The following CTNND2 variants were observed in gnomAD, a reference collection of about 807,000 sequenced individuals.
CTNND2 encodes the protein catenin delta 2, also known as catenin delta-2.
In CTNND2, 22 loss-of-function variants were observed where a neutral mutation model predicts 144.4. The ratio of observed to expected loss-of-function variants is 0.15; its 90% CI spans 0.11 to 0.22. The LOEUF (loss-of-function observed/expected upper bound fraction) is 0.22, where lower values mean the gene tolerates loss of function less well. Ranked by LOEUF, CTNND2 falls within the 10% of genes least tolerant of loss-of-function variation. The pLI, the probability that CTNND2 is intolerant of heterozygous loss-of-function variation, is 1.00. For synonymous variants in CTNND2, 751 were observed against 695.6 expected (o/e 1.08, Z -1.25); for missense variants, 1,353 against 1,618.8 (o/e 0.84, Z 2.82).
intron 11 of CTNND2, among the ~76,000 whole-genome samples, chr5:11,172,274 T>C (rs1413714980): frequency 6.6e-6 from 1 of 152,120 alleles, no homozygotes; most frequent in Non-Finnish European, 1.5e-5. Flanking sequence ...TTTAACTGAC[T>C]TCACCAACAT....
intron 16 of CTNND2, 23 bp from the exon 17 acceptor site, chr5:11,023,002 G>A: frequency 6.2e-7 from 1 of 1,608,686 alleles, no homozygotes; most frequent in South Asian, 1.1e-5. Flanking sequence ...ATAAAGAGAA[G>A]AGTTGAAAGG....
intron 9 of CTNND2, among the ~76,000 whole-genome samples, chr5:11,262,876 C>A (rs1745056169): frequency 1.3e-5 from 2 of 151,812 alleles, no homozygotes. Context: ...TTTCCCTGAT[C>A]CCCCTAACTC....
At chr5:11,877,389 T>A (rs906539532) in intron 1 of CTNND2, among the ~76,000 whole-genome samples, 2 of 152,162 alleles carry the variant, frequency 1.3e-5, no homozygotes, top group African/African-American at 2.4e-5. Context: ...CTGTTTTAAT[T>A]GGCATCCAGT....
rs61750667 is a variant in CTNND2, at chr5:11,365,043, A to G, written c.1178-153T>C. ...TGAAATGGCAGCAATATGTCAACCT[A>G]ATCAGCCTGTCGGCATCACCCAGCT... On this transcript the variant is annotated intron_variant, in intron 7 of 21. Transcript: ENST00000304623. Among the ~76,000 whole-genome samples, 1,953 of 152,368 alleles carry G rather than the reference A, an allele frequency of 0.013. 45 individuals carry two copies. The highest frequency in any genetic ancestry group is 0.045 in the African/African-American group (1,853 of 41,588).
At chr5:11,736,363 A>G (rs551189558) in intron 1 of CTNND2, among the ~76,000 whole-genome samples, 76 of 152,348 alleles carry the variant, frequency 5.0e-4, no homozygotes, top group Non-Finnish European at 7.5e-4. Flanking sequence ...CAGAAAGAGA[A>G]GTGGAATCTT....
At chr5:11,192,620 C>T (rs1736407733) in intron 11 of CTNND2, among the ~76,000 whole-genome samples, 1 of 152,098 alleles carries the variant, frequency 6.6e-6, no homozygotes, top group African/African-American at 2.4e-5. Context: ...TGCAATGCTA[C>T]TGGCTTTGAA....
chr5:11,010,225 A>G (rs193133281), intron 18 of CTNND2, among the ~76,000 whole-genome samples: 26 of 152,350 alleles, frequency 1.7e-4, no homozygotes, highest in African/African-American at 5.8e-4. Context: ...TTTCCTTGAT[A>G]AAATGACAGC....
At chr5:11,318,571 A>C (rs1271647593) in intron 9 of CTNND2, among the ~76,000 whole-genome samples, 1 of 152,092 alleles carries the variant, frequency 6.6e-6, no homozygotes, top group Non-Finnish European at 1.5e-5. Flanking sequence ...TGAGAAAACA[A>C]AAAGTCACCC....
At chr5:10,983,966 G>A (rs953473414) in intron 20 of CTNND2, among the ~76,000 whole-genome samples, 3 of 152,000 alleles carry the variant, frequency 2.0e-5, no homozygotes, top group East Asian at 3.9e-4. Flanking sequence ...GTTTAGCTTC[G>A]GTGAGGTTGT....
At chr5:11,750,067 C>T (rs1453273367) in intron 1 of CTNND2, among the ~76,000 whole-genome samples, 1 of 151,892 alleles carries the variant, frequency 6.6e-6, no homozygotes, top group Admixed American at 6.6e-5. Flanking sequence ...TCAACTAGTA[C>T]CTTTCTGGTC....
intron 2 of CTNND2, among the ~76,000 whole-genome samples, chr5:11,612,432 C>T (rs1214261768): frequency 2.0e-5 from 3 of 152,094 alleles, no homozygotes; most frequent in Non-Finnish European, 4.4e-5. Flanking sequence ...CCTAAATAAG[C>T]AGATTTATGC....
At chr5:11,075,357 T>C (rs1398010071) in intron 16 of CTNND2, among the ~76,000 whole-genome samples, 1 of 152,154 alleles carries the variant, frequency 6.6e-6, no homozygotes, top group South Asian at 2.1e-4. Context: ...GAAAAGTGGA[T>C]TATAGAATAG....
At chr5:11,615,136 C>T (rs1373717765) in intron 2 of CTNND2, among the ~76,000 whole-genome samples, 1 of 152,164 alleles carries the variant, frequency 6.6e-6, no homozygotes, top group East Asian at 1.9e-4. Flanking sequence ...AATTTTGACA[C>T]ATTTATTAGG....
At chr5:11,501,746 C>T (rs1324949363) in intron 3 of CTNND2, among the ~76,000 whole-genome samples, 1 of 151,554 alleles carries the variant, frequency 6.6e-6, no homozygotes, top group Non-Finnish European at 1.5e-5. Context: ...ATGTGGCTCA[C>T]ACCTGTAATA....
intron 9 of CTNND2, among the ~76,000 whole-genome samples, chr5:11,237,174 C>A (rs893679069): frequency 3.9e-5 from 6 of 152,158 alleles, no homozygotes; most frequent in African/African-American, 1.4e-4. Context: ...CACCCACCAC[C>A]ACGCCTGGCC....
chr5:11,021,224 G>A (rs759157602), intron 17 of CTNND2, among the ~76,000 whole-genome samples: 3 of 152,118 alleles, frequency 2.0e-5, no homozygotes, highest in Non-Finnish European at 4.4e-5. Context: ...AAGTTGGAGA[G>A]AATTAATATA....
intron 16 of CTNND2, among the ~76,000 whole-genome samples, chr5:11,033,626 C>T (rs192214073): frequency 1.4e-3 from 210 of 152,090 alleles, no homozygotes; most frequent in African/African-American, 4.9e-3. Context: ...GTCAGGAGTT[C>T]GAGACCAGCT....
chr5:11,652,506 ATTGTATT>A lies in CTNND2; in HGVS notation c.174+79623_174+79629del, dbSNP rs770133480. 5.9e-5 allele frequency among the ~76,000 whole-genome samples: 9 copies of A among 152,310 alleles called. 1 individual carries two copies. The highest frequency in any genetic ancestry group is 1.2e-4 in the Non-Finnish European group (8 of 68,020). On this transcript the variant is annotated intron_variant, in intron 2 of 21. Coordinates refer to ENST00000304623, the MANE Select transcript of CTNND2 (RefSeq NM_001332.4). ...AATTTATAAATTTCCAGCTATTTAT[ATTGTATT>A]GACATTTGTGAATGGCACCTTTTCT...
intron 9 of CTNND2, among the ~76,000 whole-genome samples, chr5:11,319,710 A>G (rs898605692): frequency 6.6e-6 from 1 of 152,048 alleles, no homozygotes; most frequent in Non-Finnish European, 1.5e-5. Context: ...TAGTAGAGAC[A>G]GGGTTTCACC....
Sources: allele counts gnomAD v4.1 joint callset (sites outside exome capture counted in the v4.1 genomes callset), GRCh38; gene constraint gnomAD v4.1.1; transcripts MANE v1.5; gene names NCBI Gene and HGNC (gene_info 2026-07-23, HGNC 2026-07-21).